Variants in NOTCH2 observed in about 807,000 individuals in gnomAD.
NOTCH2 encodes the protein neurogenic locus notch homolog protein 2.
A neutral mutation model predicts 235.8 loss-of-function variants in NOTCH2; 29 were observed. The observed-to-expected ratio is 0.12, with a 90% CI of 0.09 to 0.17. The LOEUF (loss-of-function observed/expected upper bound fraction) is 0.17. Among genes scored for constraint, NOTCH2 ranks in the 10% least tolerant of loss-of-function variants. NOTCH2 has a pLI of 1.00. For missense variants in NOTCH2, 2,285 were observed against 3,150.2 expected (o/e 0.73, Z 6.57); for synonymous variants, 1,086 against 1,141.5 (o/e 0.95, Z 0.98).
intron 3 of NOTCH2, among the ~76,000 whole-genome samples, chr1:119,999,976 A>AAAGAAAGGAAGGAAGGAAGG (rs1270244149): frequency 1.8e-4 from 10 of 56,656 alleles, no homozygotes; most frequent in South Asian, 7.3e-4. Context: ...AGAAAGAAAG[A>AAAGAAAGGAAGGAAGGAAGG]AAGGAAGGAA....
chr1:120,008,773 CACA>C (rs1489859745), intron 2 of NOTCH2, among the ~76,000 whole-genome samples: 2 of 152,210 alleles, frequency 1.3e-5, no homozygotes, highest in African/African-American at 4.8e-5. Context: ...CATTCATTCA[CACA>C]ACAATTAGTA....
At chr1:119,956,225 T>G (rs1253689131) in intron 12 of NOTCH2, among the ~76,000 whole-genome samples, 1 of 152,188 alleles carries the variant, frequency 6.6e-6, no homozygotes, top group Non-Finnish European at 1.5e-5. Context: ...ACATTTTGAG[T>G]AACTGAGATT....
At chr1:119,952,603 C>T (rs1650523908) in intron 14 of NOTCH2, among the ~76,000 whole-genome samples, 1 of 152,146 alleles carries the variant, frequency 6.6e-6, no homozygotes, top group Admixed American at 6.6e-5. Flanking sequence ...AAGGCCACCA[C>T]TGATCTGACA....
chr1:119,963,688 C>T lies in NOTCH2; in HGVS notation c.1801G>A (p.Gly601Ser), dbSNP rs1651028865. ...YTCICNPGYM[G>S]AICSDQIDEC... ...TCAATCTGGTCACTGCAGATGGCGCCCATGTACCCGGGATTGCAGATGCAG... is the reference window on the plus strand; with the variant it reads ...TCAATCTGGTCACTGCAGATGGCGCTCATGTACCCGGGATTGCAGATGCAG... The change falls in exon 11 of 34, where the codon GGC becomes AGC. Residue 601 changes from glycine to serine, a missense_variant. Transcript: ENST00000256646. The T allele has an allele frequency of 6.2e-7, 1 of 1,613,988 alleles. No individual in the cohort carries two copies. Among genetic ancestry groups the T allele is most frequent in the Non-Finnish European group, 8.5e-7 (1 of 1,179,990 alleles).
At chr1:119,954,604 T>C (rs1179979337) in intron 13 of NOTCH2, among the ~76,000 whole-genome samples, 22 of 152,300 alleles carry the variant, frequency 1.4e-4, no homozygotes, top group African/African-American at 4.8e-4. Context: ...GGGACATTTC[T>C]AAAGTTGGCT....
At chr1:120,041,043 A>AAAAAAAAAAAG (rs1557859459) in intron 1 of NOTCH2, among the ~76,000 whole-genome samples, 1 of 85,888 alleles carries the variant, frequency 1.2e-5, no homozygotes, top group African/African-American at 1.1e-4. Context: ...TCTGCCTGCA[A>AAAAAAAAAAAG]AAAAAAAAAA....
chr1:119,923,595 C>T (rs1649360930), intron 26 of NOTCH2, 42 bp downstream of exon 26: 1 of 1,536,180 alleles, frequency 6.5e-7, no homozygotes, highest in Admixed American at 1.7e-5. Context: ...AAGTGCTAGG[C>T]TTCATAAAAT....
intron 3 of NOTCH2, 90 bp from the exon 4 acceptor site, chr1:119,997,422 C>A (rs1211558903): frequency 1.6e-5 from 19 of 1,190,206 alleles, no homozygotes; most frequent in Non-Finnish European, 2.3e-5. Flanking sequence ...CGAGCTCTTG[C>A]GTGGAGAAGA....
chr1:119,951,258 C>T (rs1650460879), intron 14 of NOTCH2, among the ~76,000 whole-genome samples: 1 of 152,140 alleles, frequency 6.6e-6, no homozygotes. Flanking sequence ...CTCAGCAATC[C>T]TCCCACCTCA....
Position 120,024,020 on chromosome 1 carries a change from T to C in NOTCH2, c.155+5886A>G, listed in dbSNP as rs761491734. On this transcript the variant is annotated intron_variant, in intron 2 of 33. Transcript: ENST00000256646. ...TACATTTTAAGAAAAGATTACTCTATGAGAGGTATTTAATGAGCCAAGAAA... is the reference window on the plus strand; with the variant it reads ...TACATTTTAAGAAAAGATTACTCTACGAGAGGTATTTAATGAGCCAAGAAA... Among the ~76,000 whole-genome samples, 93 of 151,934 alleles carry C rather than the reference T, an allele frequency of 6.1e-4. 1 individual carries two copies. The highest frequency in any genetic ancestry group is 1.1e-3 in the Non-Finnish European group (75 of 67,994).
chr1:120,015,373 G>C (rs4123681), intron 2 of NOTCH2, among the ~76,000 whole-genome samples: 2,891 of 151,608 alleles, frequency 0.019, no homozygotes, highest in African/African-American at 0.067. Context: ...TGTCGTTAAG[G>C]TAAATGAGGT....
chr1:119,933,520 A>C (rs1226098069), intron 22 of NOTCH2, among the ~76,000 whole-genome samples: 4 of 152,258 alleles, frequency 2.6e-5, no homozygotes, highest in African/African-American at 9.6e-5. Flanking sequence ...AGAATCTTGA[A>C]GGCATCAAGA....
At chr1:119,995,845 A>G (rs1431882123) in intron 4 of NOTCH2, 1 of 152,246 alleles carries the variant, frequency 6.6e-6, no homozygotes, top group African/African-American at 2.4e-5. Context: ...ACCAAATGAA[A>G]TGAATAAATT....
intron 2 of NOTCH2, 124 bp from the exon 3 acceptor site, chr1:120,005,712 C>T: frequency 1.7e-6 from 1 of 598,694 alleles, no homozygotes; most frequent in Non-Finnish European, 2.9e-6. Flanking sequence ...CTACAAGGAC[C>T]ACCTATAAAA....
chr1:120,058,275 G>A (rs1442769157), intron 1 of NOTCH2, among the ~76,000 whole-genome samples: 1 of 151,944 alleles, frequency 6.6e-6, no homozygotes, highest in African/African-American at 2.4e-5. Flanking sequence ...AGGCTGAGGC[G>A]GGCGGATCAC....
chr1:119,953,133 G>A (rs1650546596), intron 14 of NOTCH2, among the ~76,000 whole-genome samples: 1 of 152,140 alleles, frequency 6.6e-6, no homozygotes. Context: ...CCAACATGGA[G>A]AAACCCCGTC....
intron 1 of NOTCH2, among the ~76,000 whole-genome samples, chr1:120,064,605 G>A (rs1433811253): frequency 2.6e-5 from 4 of 151,714 alleles, no homozygotes; most frequent in African/African-American, 9.7e-5. Context: ...GTACAGAGAA[G>A]AAATGTGTGT....
At chr1:119,968,390 G>T (rs150577331) in intron 6 of NOTCH2, among the ~76,000 whole-genome samples, 158 bp from the exon 7 acceptor site, 413 of 152,192 alleles carry the variant, frequency 2.7e-3, no homozygotes, top group African/African-American at 9.1e-3. Flanking sequence ...CCTACCTTGG[G>T]GACATGCTTG....
chr1:120,029,375 G>T (rs1202153818), intron 2 of NOTCH2, among the ~76,000 whole-genome samples: 3 of 151,782 alleles, frequency 2.0e-5, no homozygotes, highest in African/African-American at 7.3e-5. Flanking sequence ...TTTTGAGATG[G>T]AGTCTTGCTC....
Sources: gnomAD v4.1 joint callset for allele counts (sites outside exome capture counted in the v4.1 genomes callset) on GRCh38, gnomAD v4.1.1 for gene constraint, MANE v1.5 for transcripts, NCBI Gene and HGNC (gene_info 2026-07-23, HGNC 2026-07-21) for gene names.